Variants in ARHGAP42 observed in about 807,000 individuals in gnomAD.
ARHGAP42 encodes rho GTPase-activating protein 42.
ARHGAP42 carries 63 observed loss-of-function variants against 125.0 expected under a neutral mutation model. That is an observed-to-expected ratio of 0.50 (90% CI 0.41 to 0.62). The LOEUF is 0.62. ARHGAP42 is among the 20% of genes least tolerant of loss of function. The pLI is 0.00. For synonymous variants in ARHGAP42, 339 were observed against 351.0 expected, an observed-to-expected ratio of 0.97 and a Z score of 0.38; for missense variants, 766 against 1,024.2, an observed-to-expected ratio of 0.75 and a Z score of 3.44.
intron 8 of ARHGAP42, among the ~76,000 whole-genome samples, chr11:100,937,639 A>AT (rs902292201): frequency 1.3e-5 from 2 of 152,042 alleles, no homozygotes; most frequent in African/African-American, 4.8e-5. Context: ...CCATCCTTGG[A>AT]TTTTTTATTC....
At chr11:100,817,386 T>A (rs1296302576) in intron 3 of ARHGAP42, among the ~76,000 whole-genome samples, 1 of 152,214 alleles carries the variant, frequency 6.6e-6, no homozygotes, top group South Asian at 2.1e-4. Flanking sequence ...ATCTGACTTA[T>A]AATTAGTTGG....
chr11:100,951,834 C>T (rs986514642), intron 12 of ARHGAP42, among the ~76,000 whole-genome samples: 3 of 152,152 alleles, frequency 2.0e-5, no homozygotes, highest in Non-Finnish European at 4.4e-5. Context: ...TCATGTCTCA[C>T]ACTCTGGCTT....
intron 22 of ARHGAP42, among the ~76,000 whole-genome samples, chr11:100,980,855 G>C (rs773954885): frequency 6.6e-6 from 1 of 152,114 alleles, no homozygotes; most frequent in Non-Finnish European, 1.5e-5. Flanking sequence ...ACAGGCATGA[G>C]CCACTGCACC....
chr11:100,849,029 C>T (rs147472252), intron 3 of ARHGAP42, among the ~76,000 whole-genome samples: 3 of 152,304 alleles, frequency 2.0e-5, no homozygotes, highest in East Asian at 1.9e-4. Context: ...TAAACAGCCT[C>T]ATAGCCAATT....
chr11:100,983,186 T>C (rs1453246085), intron 22 of ARHGAP42, among the ~76,000 whole-genome samples: 2 of 152,240 alleles, frequency 1.3e-5, no homozygotes, highest in Admixed American at 1.3e-4. Flanking sequence ...TTATGGATTA[T>C]ATTTATTGAT....
chr11:100,975,222 G>A (rs1858359295), intron 19 of ARHGAP42, among the ~76,000 whole-genome samples: 1 of 151,916 alleles, frequency 6.6e-6, no homozygotes, highest in Non-Finnish European at 1.5e-5. Context: ...AATGTAATTG[G>A]ATTGTTTGTA....
chr11:100,818,305 G>A (rs1417989893), intron 3 of ARHGAP42, among the ~76,000 whole-genome samples: 1 of 152,124 alleles, frequency 6.6e-6, no homozygotes, highest in Non-Finnish European at 1.5e-5. Context: ...AGATACGATT[G>A]ACAAATGTGT....
intron 1 of ARHGAP42, among the ~76,000 whole-genome samples, chr11:100,719,434 G>A (rs1861720785): frequency 6.6e-6 from 1 of 152,184 alleles, no homozygotes; most frequent in Non-Finnish European, 1.5e-5. Context: ...CAAACAAACA[G>A]ATGGATTCAG....
intron 1 of ARHGAP42, among the ~76,000 whole-genome samples, chr11:100,726,708 A>T (rs1259557252): frequency 6.6e-6 from 1 of 152,228 alleles, no homozygotes; most frequent in Non-Finnish European, 1.5e-5. Flanking sequence ...ATAGAATCCC[A>T]CTAGGGAAGC....
chr11:100,887,955 C>A (rs1471872243), intron 4 of ARHGAP42, among the ~76,000 whole-genome samples: 1 of 152,160 alleles, frequency 6.6e-6, no homozygotes, highest in Non-Finnish European at 1.5e-5. Context: ...CCCATCTCTA[C>A]CTCTATCCAA....
chr11:100,852,882 A>G lies in ARHGAP42; in HGVS notation c.313-6672A>G, dbSNP rs541930054. On this transcript the variant is annotated intron_variant, in intron 3 of 23. Coordinates refer to ENST00000298815, the MANE Select transcript of ARHGAP42 (RefSeq NM_152432.4). Reference sequence around the variant, plus strand: ...GTGTTTCCTTAGAATGTGCAAAGGTAGAGGACTGGCTGAAGTAACCTTACC... The same window carrying G: ...GTGTTTCCTTAGAATGTGCAAAGGTGGAGGACTGGCTGAAGTAACCTTACC... 3.3e-5 allele frequency among the ~76,000 whole-genome samples: 5 copies of G among 152,314 alleles called. No individual in the cohort carries two copies. The South Asian group carries it at 1.0e-3, about 32-fold the overall frequency.
At chr11:100,949,859 A>G in intron 11 of ARHGAP42, 58 bp from the exon 12 acceptor site, 1 of 1,167,158 alleles carries the variant, frequency 8.6e-7, no homozygotes, top group East Asian at 2.8e-5. Flanking sequence ...TCACCTTGCT[A>G]ATCTTTTGTG....
chr11:100,744,331 T>C lies in ARHGAP42; in HGVS notation c.155-26012T>C, dbSNP rs544786398. Among the ~76,000 whole-genome samples, 5 of 152,348 alleles carry C rather than the reference T, an allele frequency of 3.3e-5. No individual in the cohort carries two copies. The East Asian group carries it at 7.7e-4, about 24-fold the overall frequency. On this transcript the variant is annotated intron_variant, in intron 1 of 23. Coordinates refer to ENST00000298815, the MANE Select transcript of ARHGAP42 (RefSeq NM_152432.4). ...CATGTTGGTTCTTACCTTTCTCTGA[T>C]ATCTCCTTGAGTAGCTTAGTAATCA...
chr11:100,919,647 C>T (rs1267632628), intron 5 of ARHGAP42, among the ~76,000 whole-genome samples: 1 of 152,062 alleles, frequency 6.6e-6, no homozygotes, highest in Non-Finnish European at 1.5e-5. Context: ...AGCAGTCCTC[C>T]CACGTTGGCC....
At chr11:100,906,072 T>A (rs1197760542) in intron 4 of ARHGAP42, among the ~76,000 whole-genome samples, 1 of 152,226 alleles carries the variant, frequency 6.6e-6, no homozygotes, top group Non-Finnish European at 1.5e-5. Context: ...AAGGCTTACT[T>A]GTCCATCTAA....
At chr11:100,831,426 CG>C (rs1168547757) in intron 3 of ARHGAP42, among the ~76,000 whole-genome samples, 1 of 152,146 alleles carries the variant, frequency 6.6e-6, no homozygotes, top group Non-Finnish European at 1.5e-5. Context: ...TCATCCACAT[CG>C]TTAGGATATT....
chr11:100,738,849 G>A (rs1470527760), intron 1 of ARHGAP42, among the ~76,000 whole-genome samples: 1 of 152,126 alleles, frequency 6.6e-6, no homozygotes, highest in Non-Finnish European at 1.5e-5. Context: ...AACTGTGCCC[G>A]TTGCATTCCT....
intron 4 of ARHGAP42, among the ~76,000 whole-genome samples, chr11:100,884,680 C>G (rs1565258612): frequency 6.6e-6 from 1 of 152,038 alleles, no homozygotes; most frequent in Non-Finnish European, 1.5e-5. Context: ...CCTCCGTGTC[C>G]CCCCAACCCC....
chr11:100,978,062 T>C (rs1350325549), intron 21 of ARHGAP42, among the ~76,000 whole-genome samples: 1 of 152,192 alleles, frequency 6.6e-6, no homozygotes, highest in Non-Finnish European at 1.5e-5. Flanking sequence ...TCAGTGTGTC[T>C]ACTCCCCACT....
Sources: allele counts gnomAD v4.1 joint callset (sites outside exome capture counted in the v4.1 genomes callset), GRCh38; gene constraint gnomAD v4.1.1; transcripts MANE v1.5; gene names NCBI Gene and HGNC (gene_info 2026-07-23, HGNC 2026-07-21).